The following CLEC16A variants were observed in gnomAD, a reference collection of about 807,000 sequenced individuals.
CLEC16A encodes protein CLEC16A.
A neutral mutation model predicts 109.5 loss-of-function variants in CLEC16A; 51 were observed. That is an observed-to-expected ratio of 0.47 (90% CI 0.37 to 0.59). CLEC16A has a LOEUF of 0.59. Among genes scored for constraint, CLEC16A ranks in the 20% least tolerant of loss-of-function variants. The pLI is 0.00. For synonymous variants in CLEC16A, 673 were observed against 564.2 expected, an observed-to-expected ratio of 1.19 and a Z score of -2.73; for missense variants, 1,339 against 1,394.0, an observed-to-expected ratio of 0.96 and a Z score of 0.63.
chr16:11,110,407 G>T (rs1379559953), intron 19 of CLEC16A, among the ~76,000 whole-genome samples: 27 of 152,152 alleles, frequency 1.8e-4, no homozygotes, highest in Admixed American at 1.7e-3. Flanking sequence ...AGGGATGAGG[G>T]GTCAGGGGAG....
intron 11 of CLEC16A, among the ~76,000 whole-genome samples, chr16:11,014,826 A>G (rs1481550391): frequency 1.3e-5 from 2 of 152,300 alleles, no homozygotes; most frequent in South Asian, 2.1e-4. Flanking sequence ...AACAGGGACA[A>G]TTGGAGTTGG....
At chr16:11,149,490 G>A (rs2054206918) in intron 22 of CLEC16A, among the ~76,000 whole-genome samples, 1 of 151,598 alleles carries the variant, frequency 6.6e-6, no homozygotes, top group African/African-American at 2.4e-5. Flanking sequence ...TGAGTTGATT[G>A]TTGATTTTTG....
chr16:11,089,310 T>C (rs2050178950), intron 19 of CLEC16A, among the ~76,000 whole-genome samples: 1 of 152,204 alleles, frequency 6.6e-6, no homozygotes, highest in Non-Finnish European at 1.5e-5. Context: ...CATCAGGGTA[T>C]GAGGGTGGGC....
At chr16:11,047,977 C>T (rs537760987) in intron 17 of CLEC16A, 13 of 152,308 alleles carry the variant, frequency 8.5e-5, no homozygotes, top group Non-Finnish European at 1.8e-4. Flanking sequence ...GAAACTGCTC[C>T]CATGATTCAG....
chr16:10,950,079 C>T (rs553452422), intron 1 of CLEC16A, among the ~76,000 whole-genome samples: 38 of 152,344 alleles, frequency 2.5e-4, no homozygotes, highest in African/African-American at 8.2e-4. Flanking sequence ...TTATATACTT[C>T]TCATCGCCAA....
At chr16:11,081,359 G>A (rs921336359) in intron 19 of CLEC16A, among the ~76,000 whole-genome samples, 2 of 152,152 alleles carry the variant, frequency 1.3e-5, no homozygotes, top group Non-Finnish European at 1.5e-5. Context: ...GTCTGAGCCC[G>A]CTGATGTTCC....
At chr16:11,107,397 G>T (rs1306362798) in intron 19 of CLEC16A, among the ~76,000 whole-genome samples, 4 of 152,150 alleles carry the variant, frequency 2.6e-5, no homozygotes, top group Admixed American at 6.5e-5. Flanking sequence ...CCACAAAGAA[G>T]AAAAAGTAAT....
At chr16:11,002,676 T>C (rs539685178) in intron 10 of CLEC16A, among the ~76,000 whole-genome samples, 1 of 152,210 alleles carries the variant, frequency 6.6e-6, no homozygotes, top group Non-Finnish European at 1.5e-5. Flanking sequence ...CCAGTCTCAT[T>C]GTCCATCATC....
intron 1 of CLEC16A, among the ~76,000 whole-genome samples, chr16:10,945,643 G>A (rs2041318946): frequency 6.6e-6 from 1 of 152,174 alleles, no homozygotes; most frequent in South Asian, 2.1e-4. Context: ...ATTTGCAAAT[G>A]GGGATCGTGA....
At position 10,961,633 on chromosome 16, in the gene CLEC16A, GAAA is replaced by G. The variant is rs2042252723; in HGVS notation, c.210-821_210-819del. Among the ~76,000 whole-genome samples, 1 of 152,220 alleles carries G rather than the reference GAAA, an allele frequency of 6.6e-6. No individual in the cohort carries two copies. Among genetic ancestry groups the G allele is most frequent in the Non-Finnish European group, 1.5e-5 (1 of 68,024 alleles). On this transcript the variant is annotated intron_variant, in intron 2 of 23. Coordinates refer to ENST00000409790, the MANE Select transcript of CLEC16A (RefSeq NM_015226.3). The surrounding 1 kb of genome is among the most constrained non-coding windows in gnomAD (Gnocchi z 4.3). ...CAGACAAGTATCCTATCCACAAGGAGAAAGGCAGAAACAGACCTGGGGATGGGT... is the reference window on the plus strand; with the variant it reads ...CAGACAAGTATCCTATCCACAAGGAGGGCAGAAACAGACCTGGGGATGGGT...
Position 11,175,528 on chromosome 16 carries a change from A to G in CLEC16A, c.2807-2807A>G, listed in dbSNP as rs1315422390. Among the ~76,000 whole-genome samples the G allele has an allele frequency of 2.6e-5, 4 of 152,240 alleles. 1 individual carries two copies. The East Asian group carries it at 7.7e-4, about 29-fold the overall frequency. On this transcript the variant is annotated intron_variant, in intron 23 of 23. Transcript: ENST00000409790. ...CACTGGGTAATTTTCCCCCCAATGA[A>G]AACCTGGCAGAGTTCTCCTTTTTCA...
In CLEC16A at chr16:10,982,858, G is replaced by T; in HGVS notation, c.958-20G>T. ...TACCGCACACTTTCATGCAAATCCC[G>T]TTTCTTTTTTTTCCGCCAGGTCTTC... On this transcript the variant is annotated intron_variant, in intron 9 of 23. Transcript: ENST00000409790. 4 of 1,421,200 alleles carry T rather than the reference G, an allele frequency of 2.8e-6. No homozygotes were observed. Among genetic ancestry groups the T allele is most frequent in the Non-Finnish European group, 4.0e-6 (4 of 1,005,738 alleles). 88.0% of individuals were successfully genotyped at this position (1,421,200 alleles called of 1,614,324 possible).
At chr16:10,948,118 C>G (rs1023622525) in intron 1 of CLEC16A, among the ~76,000 whole-genome samples, 1 of 152,212 alleles carries the variant, frequency 6.6e-6, no homozygotes, top group Non-Finnish European at 1.5e-5. Flanking sequence ...TGGTCTCGAT[C>G]TCCTGACCTT....
At chr16:10,991,341 G>A (rs148501350) in intron 10 of CLEC16A, among the ~76,000 whole-genome samples, 133 of 149,398 alleles carry the variant, frequency 8.9e-4, no homozygotes, top group South Asian at 7.4e-3. Flanking sequence ...AAAGAACATC[G>A]TGAACCTGGG....
At chr16:11,037,971 G>T (rs974521191) in intron 13 of CLEC16A, among the ~76,000 whole-genome samples, 4 of 152,092 alleles carry the variant, frequency 2.6e-5, no homozygotes, top group Non-Finnish European at 5.9e-5. Context: ...CATTAACATG[G>T]GATACAGAAG....
intron 11 of CLEC16A, among the ~76,000 whole-genome samples, chr16:11,014,958 A>G (rs1464740894): frequency 6.6e-6 from 1 of 151,848 alleles, no homozygotes; most frequent in Non-Finnish European, 1.5e-5. Context: ...GATGATACTC[A>G]CTTTAGAGCA....
At chr16:10,993,570 A>G (rs2044160143) in intron 10 of CLEC16A, among the ~76,000 whole-genome samples, 1 of 152,180 alleles carries the variant, frequency 6.6e-6, no homozygotes, top group Admixed American at 6.5e-5. Flanking sequence ...AAGTCTTTTT[A>G]TCACCACTTG....
At chr16:10,951,567 C>T (rs2041735064) in intron 1 of CLEC16A, among the ~76,000 whole-genome samples, 1 of 152,186 alleles carries the variant, frequency 6.6e-6, no homozygotes, top group Admixed American at 6.5e-5. Context: ...CACCAGGGCC[C>T]TGGGCAGATG....
intron 19 of CLEC16A, among the ~76,000 whole-genome samples, chr16:11,075,416 G>GTC (rs1567282561): frequency 1.1e-4 from 15 of 136,094 alleles, no homozygotes; most frequent in African/African-American, 4.1e-4. Context: ...GTGTGTCTGT[G>GTC]TGTGTGTGTG....
Sources: gnomAD v4.1 joint callset for allele counts (sites outside exome capture counted in the v4.1 genomes callset) on GRCh38, gnomAD v4.1.1 for gene constraint, Gnocchi (gnomAD v3.1) non-coding constraint, MANE v1.5 for transcripts, NCBI Gene and HGNC (gene_info 2026-07-23, HGNC 2026-07-21) for gene names.